CHKA: variants seen among roughly 807,000 people sequenced by gnomAD.
The protein encoded by CHKA is CHETK-alpha.
In CHKA, 34 loss-of-function variants were observed where a neutral mutation model predicts 60.1. The ratio of observed to expected loss-of-function variants is 0.57; its 90% CI spans 0.43 to 0.75. The LOEUF is 0.75. CHKA is among the 30% of genes least tolerant of loss of function. The pLI is 0.00. For synonymous variants in CHKA, 217 were observed against 223.1 expected, an observed-to-expected ratio of 0.97 and a Z score of 0.24; for missense variants, 563 against 561.3, an observed-to-expected ratio of 1.00 and a Z score of -0.03.
intron 1 of CHKA, among the ~76,000 whole-genome samples, chr11:68,102,473 C>T (rs1857761856): frequency 1.3e-5 from 2 of 152,196 alleles, no homozygotes; most frequent in African/African-American, 2.4e-5. Flanking sequence ...CTTCAATAAA[C>T]AGTGTTGGGA....
At chr11:68,113,126 A>T (rs1452292097) in intron 1 of CHKA, among the ~76,000 whole-genome samples, 1 of 140,022 alleles carries the variant, frequency 7.1e-6, no homozygotes, top group Non-Finnish European at 1.6e-5. Flanking sequence ...TGTGGCAGGA[A>T]AAAAAAAAAC....
intron 3 of CHKA, among the ~76,000 whole-genome samples, chr11:68,079,084 C>G (rs1464071634): frequency 6.6e-6 from 1 of 151,592 alleles, no homozygotes; most frequent in East Asian, 2.0e-4. Flanking sequence ...TAGGCATTCA[C>G]TACCAAGCCC....
At chr11:68,068,652 A>C (rs556878484) in intron 7 of CHKA, among the ~76,000 whole-genome samples, 5 of 152,120 alleles carry the variant, frequency 3.3e-5, no homozygotes, top group Non-Finnish European at 7.4e-5. Flanking sequence ...TCCTGGGCTC[A>C]AGCAATCCTC....
intron 7 of CHKA, among the ~76,000 whole-genome samples, chr11:68,067,712 CCT>C (rs529333148): frequency 9.5e-4 from 144 of 152,306 alleles, no homozygotes; most frequent in African/African-American, 3.3e-3. Context: ...CCTCCAGTCC[CCT>C]CTCTCTAGTG....
intron 1 of CHKA, among the ~76,000 whole-genome samples, chr11:68,109,746 G>A (rs1858064172): frequency 6.6e-6 from 1 of 152,188 alleles, no homozygotes. Flanking sequence ...GAGGTCAGGA[G>A]TTCAAGACCA....
At chr11:68,078,409 G>A (rs1856860483) in intron 3 of CHKA, among the ~76,000 whole-genome samples, 2 of 152,314 alleles carry the variant, frequency 1.3e-5, no homozygotes, top group East Asian at 1.9e-4. Flanking sequence ...GTGCTGCTAA[G>A]TGGCCATTAG....
chr11:68,065,899 A>AATAAGAC lies in CHKA; in HGVS notation c.1017-12_1017-6dup. The AATAAGAC allele has an allele frequency of 1.3e-6, 2 of 1,587,888 alleles. No homozygotes were observed. Among genetic ancestry groups the AATAAGAC allele is most frequent in the Non-Finnish European group, 1.7e-6 (2 of 1,158,268 alleles). On this transcript the variant is annotated splice_polypyrimidine_tract_variant and splice_region_variant and intron_variant, in intron 8 of 11. Coordinates refer to ENST00000265689, the MANE Select transcript of CHKA (RefSeq NM_001277.3). Reference sequence around the variant, plus strand: ...TGATTTCCAATGTCGAATCCCCTGAAATAAGACATAAGACAGTGCACACAA... The same window carrying AATAAGAC: ...TGATTTCCAATGTCGAATCCCCTGAAATAAGACATAAGACATAAGACAGTGCACACAA...
intron 1 of CHKA, among the ~76,000 whole-genome samples, chr11:68,108,024 G>A (rs749704139): frequency 6.6e-6 from 1 of 152,222 alleles, no homozygotes; most frequent in Non-Finnish European, 1.5e-5. Context: ...ACAGAGAATG[G>A]AGAGATCCTG....
intron 1 of CHKA, among the ~76,000 whole-genome samples, chr11:68,100,192 T>C (rs1857656852): frequency 6.6e-6 from 1 of 152,198 alleles, no homozygotes; most frequent in Admixed American, 6.5e-5. Context: ...TTGTCAAAAA[T>C]ATCCTCCCAA....
rs183376717 is a variant in CHKA at position 68,113,013 on chromosome 11, C to T, written c.350+7815G>A. 6.4e-5 allele frequency among the ~76,000 whole-genome samples: 8 copies of T among 125,678 alleles called. No individual in the cohort carries two copies. The East Asian group carries it at 1.9e-3, about 29-fold the overall frequency. The allele number at this position is 125,678 out of a possible 152,430, so 82.4% of individuals were successfully genotyped here. On this transcript the variant is annotated intron_variant, in intron 1 of 11. Transcript: ENST00000265689. ...AGGAAAATGGCGTGAAACCGGGAGACGGAGCTTGCAGTGAGCCAAGATCGC... is the reference window on the plus strand; with the variant it reads ...AGGAAAATGGCGTGAAACCGGGAGATGGAGCTTGCAGTGAGCCAAGATCGC...
chr11:68,090,207 T>C (rs1590863583), intron 2 of CHKA, among the ~76,000 whole-genome samples: 1 of 152,202 alleles, frequency 6.6e-6, no homozygotes, highest in Non-Finnish European at 1.5e-5. Flanking sequence ...TAAAGAAATA[T>C]TAGGTTAGAC....
chr11:68,112,281 G>C (rs1266623525), intron 1 of CHKA, among the ~76,000 whole-genome samples: 2 of 38,726 alleles, frequency 5.2e-5, no homozygotes, highest in African/African-American at 2.3e-4. Flanking sequence ...TTGAGACGGA[G>C]TCTCACTCTT....
At chr11:68,061,095 G>GA (rs1023263798) in intron 11 of CHKA, among the ~76,000 whole-genome samples, 3 of 70,840 alleles carry the variant, frequency 4.2e-5, no homozygotes, top group African/African-American at 2.0e-4. Context: ...GTCAGTGACA[G>GA]TTTTTTTTTT....
chr11:68,092,485 A>T (rs1396683727), intron 2 of CHKA, among the ~76,000 whole-genome samples: 1 of 152,256 alleles, frequency 6.6e-6, no homozygotes, highest in Non-Finnish European at 1.5e-5. Context: ...ATATTTGGAA[A>T]GGAATTTAAA....
At chr11:68,120,046 T>C (rs565920077) in intron 1 of CHKA, among the ~76,000 whole-genome samples, 1 of 151,960 alleles carries the variant, frequency 6.6e-6, no homozygotes, top group Non-Finnish European at 1.5e-5. Context: ...CTAACGAACA[T>C]GGAGAAACCT....
At chr11:68,111,784 T>C (rs984492210) in intron 1 of CHKA, among the ~76,000 whole-genome samples, 10 of 151,920 alleles carry the variant, frequency 6.6e-5, no homozygotes, top group Non-Finnish European at 1.3e-4. Context: ...CCCGGAGCGG[T>C]AGCTCACACC....
chr11:68,106,718 C>T (rs1857928322), intron 1 of CHKA, among the ~76,000 whole-genome samples: 1 of 152,210 alleles, frequency 6.6e-6, no homozygotes, highest in Non-Finnish European at 1.5e-5. Context: ...GAGCTGTTCA[C>T]TTATCAGCAC....
At chr11:68,097,809 G>A (rs567770149) in intron 1 of CHKA, among the ~76,000 whole-genome samples, 5 of 152,114 alleles carry the variant, frequency 3.3e-5, no homozygotes, top group African/African-American at 7.2e-5. Flanking sequence ...TGGTTACCAC[G>A]GCCTTCAGAT....
intron 2 of CHKA, among the ~76,000 whole-genome samples, chr11:68,090,376 T>C (rs1427618131): frequency 6.6e-6 from 1 of 152,118 alleles, no homozygotes; most frequent in East Asian, 1.9e-4. Flanking sequence ...CCTAACACAA[T>C]GAGGAAAACA....
Sources: gnomAD v4.1 joint callset for allele counts (sites outside exome capture counted in the v4.1 genomes callset) on GRCh38, gnomAD v4.1.1 for gene constraint, MANE v1.5 for transcripts, NCBI Gene and HGNC (gene_info 2026-07-23, HGNC 2026-07-21) for gene names.